The following L1CAM variants were observed in gnomAD, a reference collection of about 807,000 sequenced individuals.
L1CAM encodes neural cell adhesion molecule L1.
Under a neutral mutation model 93.0 loss-of-function variants are expected in L1CAM, and 8 were observed. The ratio of observed to expected loss-of-function variants is 0.09; its 90% CI spans 0.05 to 0.16. The LOEUF (loss-of-function observed/expected upper bound fraction) is 0.16, where lower values mean the gene tolerates loss of function less well. L1CAM is among the 10% of genes least tolerant of loss of function. The pLI is 1.00. For synonymous variants in L1CAM, 453 were observed against 453.0 expected (o/e 1.00, Z 0.00); for missense variants, 777 against 1,073.4 (o/e 0.72, Z 3.86).
intron 11 of L1CAM, among the ~76,000 whole-genome samples, 174 bp downstream of exon 11, chrX:153,869,346 G>A (rs988160607): frequency 3.6e-5 from 4 of 112,287 alleles, no homozygotes; most frequent in African/African-American, 1.3e-4. Context: ...CATCTCCCTC[G>A]GCTATCGTGA....
At position 153,862,594 on chromosome X, in the gene L1CAM, G is replaced by C; in HGVS notation, c.*69C>G. ...CTCTGCCCCAACTCCAGCCTCCCAT[G>C]GGCCTGCTGGAGAGGGAGGGGCCTG... On this transcript the variant is annotated 3_prime_UTR_variant, in exon 29 of 29. Transcript: ENST00000370060. 1 of 888,444 alleles carries C rather than the reference G, an allele frequency of 1.1e-6. No individual in the cohort carries two copies. The highest frequency in any genetic ancestry group is 1.6e-6 in the Non-Finnish European group (1 of 624,193). The allele number at this position is 888,444 out of a possible 1,213,427, so 73.2% of individuals were successfully genotyped here.
At chrX:153,872,039 G>T in intron 5 of L1CAM, 113 bp downstream of exon 5, 1 of 611,777 alleles carries the variant, frequency 1.6e-6, no homozygotes, top group Non-Finnish European at 2.7e-6. Context: ...GTGGAGGGCT[G>T]GCAGGACACC....
chrX:153,876,040 G>C (rs987718408), intron 1 of L1CAM, 96 bp from the exon 2 acceptor site: 135 of 462,439 alleles, frequency 2.9e-4, no homozygotes, highest in Middle Eastern at 5.8e-4. Context: ...CCGGGCTCTT[G>C]GCCCCGCCCT....
At position 153,871,188 on chromosome X, in the gene L1CAM, G is replaced by C; in HGVS notation, c.401-9C>G. The C allele has an allele frequency of 8.7e-7, 1 of 1,150,600 alleles. No individual in the cohort carries two copies. 94.8% of individuals were successfully genotyped at this position (1,150,600 alleles called of 1,213,427 possible). A position where few individuals can be genotyped will look rare whatever the true frequency, so the allele number is the denominator to read the frequency against. Reference sequence around the variant, plus strand: ...TGGCCACTTGGGGGCACCTAGAAGGGACAGACGGGCTGACACTCTCCTCCT... The same window carrying C: ...TGGCCACTTGGGGGCACCTAGAAGGCACAGACGGGCTGACACTCTCCTCCT... On this transcript the variant is annotated splice_polypyrimidine_tract_variant and intron_variant, in intron 5 of 28. Transcript: ENST00000370060.
At chrX:153,868,163 C>T (rs782065304) in intron 14 of L1CAM, 41 bp from the exon 15 acceptor site, 26 of 1,208,451 alleles carry the variant, frequency 2.2e-5, no homozygotes, top group Non-Finnish European at 2.8e-5. Flanking sequence ...CATCTGGGCT[C>T]TTCTCCCCTC....
At position 153,875,804 on chromosome X, in the gene L1CAM, G is replaced by A. The variant is rs199910719; in HGVS notation, c.33C>T (p.Leu11=). 1.8e-5 allele frequency: 22 copies of A among 1,208,618 alleles called. No individual in the cohort carries two copies. The highest frequency in any genetic ancestry group is 2.5e-5 in the Non-Finnish European group (22 of 894,822). ...TAAGCAGGCAGGGGCTGCAGAGGAG[G>A]AGAGGCCACACGTACCGCAGCGCCA... MVVALRYVWP[L]LLCSPCLLIQ... is the part of the protein sequence containing the mutation. Residue 11 remains leucine, a synonymous_variant, in exon 2 of 29, where the codon CTC becomes CTT. Coordinates refer to ENST00000370060, the MANE Select transcript of L1CAM (RefSeq NM_001278116.2).
rs1370755438 is a variant in L1CAM at position 153,872,478 on chromosome X, T to C, written c.197+114A>G. ...GATGGACTGGGAGATGGCGAGGACTTGGGGTGATTAGCAAGGTTTGGGGCT... is the reference window on the plus strand; with the variant it reads ...GATGGACTGGGAGATGGCGAGGACTCGGGGTGATTAGCAAGGTTTGGGGCT... On this transcript the variant is annotated intron_variant, in intron 4 of 28. Transcript: ENST00000370060. 5 of 930,995 alleles carry C rather than the reference T, an allele frequency of 5.4e-6. No individual in the cohort carries two copies. The African/African-American group carries it at 7.9e-5, about 15-fold the overall frequency. The allele number at this position is 930,995 out of a possible 1,213,427, so 76.7% of individuals were successfully genotyped here. A position where few individuals can be genotyped will look rare whatever the true frequency, so the allele number is the denominator to read the frequency against.
At chrX:153,871,851 C>G (rs1220544774) in intron 5 of L1CAM, among the ~76,000 whole-genome samples, 3 of 104,126 alleles carry the variant, frequency 2.9e-5, no homozygotes, top group African/African-American at 1.1e-4. Flanking sequence ...GTCACTCCCC[C>G]CACCAGCCCG....
intron 1 of L1CAM, chrX:153,885,552 C>G (rs1183121567): frequency 2.4e-5 from 9 of 377,889 alleles, no homozygotes; most frequent in African/African-American, 5.4e-5. Context: ...CCCCTCCCCC[C>G]ATTGCAGGGG....
Position 153,865,306 on chromosome X carries a change from T to A in L1CAM, c.2742A>T (p.Pro914=). The A allele has an allele frequency of 8.3e-7, 1 of 1,210,245 alleles. No homozygotes were observed. The highest frequency in any genetic ancestry group is 1.1e-6 in the Non-Finnish European group (1 of 894,753). The part of the protein sequence containing the change: ...GPASEFTFST[P]EGVPGHPEAL... ...GTGGGGTGCAGGACTCACCTCCCTC[T>A]GGGGTGCTGAAGGTGAACTCGCTGG... Residue 914 remains proline, a synonymous_variant, in exon 21 of 29, where the codon CCA becomes CCT. Coordinates refer to ENST00000370060, the MANE Select transcript of L1CAM (RefSeq NM_001278116.2).
In L1CAM at chrX:153,865,775, A is replaced by G; in HGVS notation, c.2476T>C (p.Ser826Pro). ...PELEGIEILNSSAVLVKWRPV... is the reference protein window; with the variant it reads ...PELEGIEILNPSAVLVKWRPV... ...CGCCACTTGACCAGCACGGCACTTGAGTTGAGGATTTCAATGCCTTCCAGC... is the reference window on the plus strand; with the variant it reads ...CGCCACTTGACCAGCACGGCACTTGGGTTGAGGATTTCAATGCCTTCCAGC... The change falls in exon 20 of 29, where the codon TCA becomes CCA. Residue 826 changes from serine (S) to proline (P), a missense_variant. By Grantham distance (74) the Ser-to-Pro change is moderately conservative. Coordinates refer to ENST00000370060, the MANE Select transcript of L1CAM (RefSeq NM_001278116.2). 1 of 1,210,895 alleles carries G rather than the reference A, an allele frequency of 8.3e-7. No individual in the cohort carries two copies. The highest frequency in any genetic ancestry group is 1.8e-5 in the South Asian group (1 of 57,003).
intron 26 of L1CAM, 57 bp downstream of exon 26, chrX:153,863,826 C>T (rs2064685990): frequency 4.2e-6 from 5 of 1,201,157 alleles, no homozygotes; most frequent in Admixed American, 4.4e-5. Context: ...GTGGAAGGGG[C>T]GAGGTGCTCC....
chrX:153,884,794 C>T (rs889312667), intron 1 of L1CAM, among the ~76,000 whole-genome samples: 5 of 112,911 alleles, frequency 4.4e-5, no homozygotes, highest in Admixed American at 2.8e-4. Context: ...AGGGGAGAGG[C>T]CCTGGGGAGG....
At chrX:153,884,383 C>G in intron 1 of L1CAM, 2 of 492,757 alleles carry the variant, frequency 4.1e-6, no homozygotes, top group Non-Finnish European at 5.8e-6. Context: ...TGGGGAGGAG[C>G]CTTTTAGGAG....
intron 10 of L1CAM, 65 bp downstream of exon 10, chrX:153,869,738 C>T: frequency 8.3e-7 from 1 of 1,204,443 alleles, no homozygotes; most frequent in Non-Finnish European, 1.1e-6. Context: ...TCACCCTCCT[C>T]TTCCTCTCCC....
Position 153,869,678 on chromosome X carries a change from G to C in L1CAM, c.1124-15C>G. ...TTTGGCCAGCTCTGTGCATGCAGCA[G>C]GTGGGCCCATGGGCCACAGCCCGGC... On this transcript the variant is annotated splice_polypyrimidine_tract_variant and intron_variant, in intron 10 of 28. Coordinates refer to ENST00000370060, the MANE Select transcript of L1CAM (RefSeq NM_001278116.2). 1 of 1,206,299 alleles carries C rather than the reference G, an allele frequency of 8.3e-7. No homozygotes were observed.
At position 153,865,591 on chromosome X, in the gene L1CAM, C is replaced by T. The variant is rs781952580; in HGVS notation, c.2548-91G>A. The stretch of plus-strand genomic sequence containing the variant: ...CCCACCACCCTTAATGGGGACCCTC[C>T]TCTCAACCCAAGTCTTCCAGGAGAG... On this transcript the variant is annotated intron_variant, in intron 20 of 28. Coordinates refer to ENST00000370060, the MANE Select transcript of L1CAM (RefSeq NM_001278116.2). 1.6e-5 allele frequency: 17 copies of T among 1,039,230 alleles called. No individual in the cohort carries two copies. The South Asian group carries it at 2.3e-4, about 14-fold the overall frequency. The allele number at this position is 1,039,230 out of a possible 1,213,427, so 85.6% of individuals were successfully genotyped here. A position where few individuals can be genotyped will look rare whatever the true frequency, so the allele number is the denominator to read the frequency against.
intron 19 of L1CAM, 52 bp from the exon 20 acceptor site, chrX:153,865,871 G>T: frequency 1.2e-6 from 1 of 866,210 alleles, no homozygotes; most frequent in Non-Finnish European, 1.7e-6. Context: ...CCCCAGCCCT[G>T]AGGCCAGGCC....
rs2064813099 is a variant in L1CAM at position 153,876,195 on chromosome X, C to T, written c.-108-251G>A. 3 of 416,965 alleles carry T rather than the reference C, an allele frequency of 7.2e-6. No homozygotes were observed. The African/African-American group carries it at 7.5e-5, about 10-fold the overall frequency. The allele number at this position is 416,965 out of a possible 1,213,427, so 34.4% of individuals were successfully genotyped here. On this transcript the variant is annotated intron_variant, in intron 1 of 28. Transcript: ENST00000370060. ...ATTCCCTCTCTACTCTCTGTCTGCACCTTTCCTGCCAGCTGCCTTCCCAGC... is the reference window on the plus strand; with the variant it reads ...ATTCCCTCTCTACTCTCTGTCTGCATCTTTCCTGCCAGCTGCCTTCCCAGC...
Sources: allele counts gnomAD v4.1 joint callset (sites outside exome capture counted in the v4.1 genomes callset), GRCh38; gene constraint gnomAD v4.1.1; transcripts MANE v1.5; gene names NCBI Gene and HGNC (gene_info 2026-07-23, HGNC 2026-07-21).